The following NKAIN2 variants were observed in gnomAD, a reference collection of about 807,000 sequenced individuals.
NKAIN2 encodes sodium/potassium transporting ATPase interacting 2, also known as sodium/potassium-transporting ATPase subunit beta-1-interacting protein 2.
A neutral mutation model predicts 32.6 loss-of-function variants in NKAIN2; 14 were observed. The ratio of observed to expected loss-of-function variants is 0.43; its 90% CI spans 0.28 to 0.67. The LOEUF (loss-of-function observed/expected upper bound fraction) is 0.67. Among genes scored for constraint, NKAIN2 ranks in the 30% least tolerant of loss-of-function variants. NKAIN2 has a pLI of 0.17. For synonymous variants in NKAIN2, 80 were observed against 87.2 expected (o/e 0.92, Z 0.46); for missense variants, 198 against 258.3 (o/e 0.77, Z 1.60).
chr6:124,061,642 G>A (rs1449153313), intron 1 of NKAIN2, among the ~76,000 whole-genome samples: 2 of 151,848 alleles, frequency 1.3e-5, no homozygotes, highest in African/African-American at 2.4e-5. Flanking sequence ...AATTTTTAAA[G>A]GTGATTTAAA....
intron 1 of NKAIN2, among the ~76,000 whole-genome samples, chr6:124,055,685 A>T (rs1782610319): frequency 6.6e-6 from 1 of 152,024 alleles, no homozygotes; most frequent in African/African-American, 2.4e-5. Flanking sequence ...GTGACCTTCA[A>T]GCCCAGGAGA....
In NKAIN2 at chr6:123,812,205, C is replaced by A. The variant is rs547022457; in HGVS notation, c.54+7951C>A. 1.2e-4 allele frequency among the ~76,000 whole-genome samples: 19 copies of A among 152,282 alleles called. No individual in the cohort carries two copies. The East Asian group carries it at 3.1e-3, about 25-fold the overall frequency. On this transcript the variant is annotated intron_variant, in intron 1 of 6. Coordinates refer to ENST00000368417, the MANE Select transcript of NKAIN2 (RefSeq NM_001040214.3). ...TCTTTTTCTGATATCCCCTATTAATCTTCCATGGAACTAGCATTTTCAGCA... is the reference window on the plus strand; with the variant it reads ...TCTTTTTCTGATATCCCCTATTAATATTCCATGGAACTAGCATTTTCAGCA...
chr6:124,198,721 C>T lies in NKAIN2; in HGVS notation c.55-84284C>T, dbSNP rs139552120. On this transcript the variant is annotated intron_variant, in intron 1 of 6. Transcript: ENST00000368417. ...TTTGTGTGTGTTCCCCACAGCTGCT[C>T]ATTCTGCTCCTGCCTGTCTGCTCTC... Among the ~76,000 whole-genome samples, 490 of 152,154 alleles carry T rather than the reference C, an allele frequency of 3.2e-3. 1 individual carries two copies. Among genetic ancestry groups the T allele is most frequent in the Middle Eastern group, 6.8e-3 (2 of 294 alleles).
chr6:124,036,494 C>T (rs912143317), intron 1 of NKAIN2, among the ~76,000 whole-genome samples: 6 of 152,048 alleles, frequency 3.9e-5, no homozygotes, highest in Non-Finnish European at 7.4e-5. Flanking sequence ...TTCCATCCAG[C>T]CTAAGGGGAT....
At chr6:124,732,902 C>T (rs1004473049) in intron 4 of NKAIN2, among the ~76,000 whole-genome samples, 8 of 151,654 alleles carry the variant, frequency 5.3e-5, no homozygotes, top group Non-Finnish European at 8.8e-5. Flanking sequence ...TTCTTAATTG[C>T]CAAAGATTGG....
intron 1 of NKAIN2, among the ~76,000 whole-genome samples, chr6:124,050,798 A>G (rs1223470701): frequency 6.6e-6 from 1 of 152,052 alleles, no homozygotes; most frequent in African/African-American, 2.4e-5. Context: ...CTATTTTCCA[A>G]AAACTTGAGT....
At position 124,046,085 on chromosome 6, in the gene NKAIN2, T is replaced by C. The variant is rs556286907; in HGVS notation, c.55-236920T>C. 2.2e-4 allele frequency among the ~76,000 whole-genome samples: 34 copies of C among 152,094 alleles called. No homozygotes were observed. In the East Asian group the frequency reaches 5.8e-3, roughly 26 times the overall value. On this transcript the variant is annotated intron_variant, in intron 1 of 6. Coordinates refer to ENST00000368417, the MANE Select transcript of NKAIN2 (RefSeq NM_001040214.3). ...ATGTATTACACATTATCTTTTTTTT[T>C]CCATAGGTTTTCAGGAATTTGAATT...
intron 1 of NKAIN2, among the ~76,000 whole-genome samples, chr6:123,888,896 G>A (rs573405697): frequency 1.3e-5 from 2 of 152,076 alleles, no homozygotes; most frequent in Non-Finnish European, 2.9e-5. Context: ...CCGTCATGCA[G>A]GCTTCATTCT....
At chr6:123,955,311 G>T (rs1218624661) in intron 1 of NKAIN2, among the ~76,000 whole-genome samples, 3 of 151,796 alleles carry the variant, frequency 2.0e-5, no homozygotes, top group Admixed American at 6.6e-5. Flanking sequence ...ATCATTAATG[G>T]CTGATCATGA....
At chr6:124,346,184 C>G (rs1798413641) in intron 2 of NKAIN2, among the ~76,000 whole-genome samples, 1 of 152,120 alleles carries the variant, frequency 6.6e-6, no homozygotes, top group Admixed American at 6.5e-5. Context: ...TTTGATTGCA[C>G]TGTGGTTTGA....
intron 1 of NKAIN2, among the ~76,000 whole-genome samples, chr6:124,127,367 A>C (rs937684841): frequency 2.6e-5 from 4 of 152,240 alleles, no homozygotes; most frequent in Admixed American, 2.6e-4. Context: ...GAGAGGTCAT[A>C]GAGAAGGATT....
At chr6:124,572,158 T>TGG (rs1781151971) in intron 3 of NKAIN2, among the ~76,000 whole-genome samples, 1 of 152,200 alleles carries the variant, frequency 6.6e-6, no homozygotes, top group Non-Finnish European at 1.5e-5. Context: ...GAGAGTGAAT[T>TGG]CATCCTTCCT....
rs192452796 is a variant in NKAIN2, at chr6:124,264,396, G to A, written c.55-18609G>A. On this transcript the variant is annotated intron_variant, in intron 1 of 6. Transcript: ENST00000368417. ...GTATGGAAAACAATAAGCCATAGTT[G>A]GCAAATATATATTAAACTTTGAAAG... Among the ~76,000 whole-genome samples, 4 of 151,958 alleles carry A rather than the reference G, an allele frequency of 2.6e-5. No homozygotes were observed. In the East Asian group the frequency reaches 7.8e-4, roughly 29 times the overall value.
chr6:124,352,361 T>C (rs1562508137), intron 2 of NKAIN2, among the ~76,000 whole-genome samples: 1 of 152,254 alleles, frequency 6.6e-6, no homozygotes, highest in East Asian at 1.9e-4. Flanking sequence ...TCCAAATTTT[T>C]ATTATATTTT....
At chr6:124,561,323 A>G (rs1028920471) in intron 3 of NKAIN2, among the ~76,000 whole-genome samples, 5 of 152,174 alleles carry the variant, frequency 3.3e-5, no homozygotes, top group African/African-American at 7.2e-5. Context: ...GCCATTCATC[A>G]TCTCTTTCCC....
At chr6:123,853,663 A>G (rs897869053) in intron 1 of NKAIN2, among the ~76,000 whole-genome samples, 1 of 152,186 alleles carries the variant, frequency 6.6e-6, no homozygotes, top group East Asian at 1.9e-4. Flanking sequence ...AGGAGGAATG[A>G]CAAAAAGGGG....
chr6:124,137,061 A>C (rs1338039716), intron 1 of NKAIN2, among the ~76,000 whole-genome samples: 4 of 152,120 alleles, frequency 2.6e-5, no homozygotes, highest in Non-Finnish European at 4.4e-5. Context: ...GGAAAAACAG[A>C]AGTCAAACTG....
chr6:124,227,584 G>A (rs966014737), intron 1 of NKAIN2, among the ~76,000 whole-genome samples: 2 of 152,044 alleles, frequency 1.3e-5, no homozygotes, highest in African/African-American at 2.4e-5. Context: ...GAGCATTTTT[G>A]CCTCTAATAA....
intron 3 of NKAIN2, among the ~76,000 whole-genome samples, chr6:124,361,344 A>G (rs1232372412): frequency 6.6e-6 from 1 of 152,094 alleles, no homozygotes; most frequent in Non-Finnish European, 1.5e-5. Context: ...TCTTCATATT[A>G]CTATTTTCAG....
Sources: gnomAD v4.1 joint callset for allele counts (sites outside exome capture counted in the v4.1 genomes callset) on GRCh38, gnomAD v4.1.1 for gene constraint, MANE v1.5 for transcripts, NCBI Gene and HGNC (gene_info 2026-07-23, HGNC 2026-07-21) for gene names.